The following PLPP3 variants were observed in gnomAD, a reference collection of about 807,000 sequenced individuals.
The protein encoded by PLPP3 is phospholipid phosphatase 3.
Under a neutral mutation model 29.6 loss-of-function variants are expected in PLPP3, and 6 were observed. The ratio of observed to expected loss-of-function variants is 0.20; its 90% CI spans 0.11 to 0.40. The LOEUF (loss-of-function observed/expected upper bound fraction) is 0.40. Ranked by LOEUF, PLPP3 falls within the 10% of genes least tolerant of loss-of-function variation. The probability of loss-of-function intolerance (pLI) is 1.00; values close to 1 mark genes in which losing one functional copy is unlikely to be tolerated. For missense variants in PLPP3, 308 were observed against 407.7 expected (o/e 0.76, Z 2.11); for synonymous variants, 152 against 159.7 (o/e 0.95, Z 0.36).
chr1:56,558,993 G>A (rs72664369), intron 1 of PLPP3, among the ~76,000 whole-genome samples: 3 of 152,138 alleles, frequency 2.0e-5, no homozygotes, highest in Non-Finnish European at 4.4e-5. Context: ...TAATTCAACT[G>A]CCTCATTATT....
At chr1:56,498,764 G>A (rs1008280257) in intron 5 of PLPP3, among the ~76,000 whole-genome samples, 1 of 152,002 alleles carries the variant, frequency 6.6e-6, no homozygotes, top group Non-Finnish European at 1.5e-5. Context: ...CTCCTGAGTA[G>A]CTGGGATTAC....
chr1:56,564,758 T>A (rs750677722), intron 1 of PLPP3, among the ~76,000 whole-genome samples: 2 of 152,232 alleles, frequency 1.3e-5, no homozygotes, highest in Admixed American at 6.5e-5. Flanking sequence ...TCTATAGAGC[T>A]GACCTTTCAA....
intron 1 of PLPP3, among the ~76,000 whole-genome samples, chr1:56,565,213 G>A (rs1235262364): frequency 6.6e-6 from 1 of 152,166 alleles, no homozygotes; most frequent in Non-Finnish European, 1.5e-5. Context: ...GTGGGGAAGA[G>A]GCTACTGGTA....
intron 1 of PLPP3, among the ~76,000 whole-genome samples, chr1:56,543,795 T>C (rs937651344): frequency 2.6e-5 from 4 of 152,186 alleles, no homozygotes; most frequent in African/African-American, 9.7e-5. Flanking sequence ...TCCTTAGCAA[T>C]TGCTCATTCT....
In PLPP3 at chr1:56,579,311, CTTGGGGCGCGCTG is replaced by C; in HGVS notation, c.-308_-296del. ...CAGAAACTTTTGCAGAGCTGCGCAG[CTTGGGGCGCGCTG>C]TTGTGGCGCGCGTCTGAGTGCGCGA... On this transcript the variant is annotated 5_prime_UTR_variant, in exon 1 of 6. Coordinates refer to ENST00000371250, the MANE Select transcript of PLPP3 (RefSeq NM_003713.5). 6 of 361,982 alleles carry C rather than the reference CTTGGGGCGCGCTG, an allele frequency of 1.7e-5. No individual in the cohort carries two copies. Among genetic ancestry groups the C allele is most frequent in the South Asian group, 1.3e-4 (4 of 31,632 alleles). The allele number at this position is 361,982 out of a possible 1,614,324, so 22.4% of individuals were successfully genotyped here.
chr1:56,574,828 A>G (rs997736990), intron 1 of PLPP3, among the ~76,000 whole-genome samples: 5 of 152,212 alleles, frequency 3.3e-5, no homozygotes, highest in Non-Finnish European at 7.3e-5. Context: ...TAAGAGGGGC[A>G]GTGGGTATGT....
intron 5 of PLPP3, among the ~76,000 whole-genome samples, chr1:56,499,406 A>G (rs1645651581): frequency 6.6e-6 from 1 of 152,150 alleles, no homozygotes; most frequent in South Asian, 2.1e-4. Flanking sequence ...CTTCTTGAAG[A>G]TGGAATCCTA....
intron 1 of PLPP3, among the ~76,000 whole-genome samples, chr1:56,553,121 C>T (rs1341933163): frequency 6.6e-6 from 1 of 152,106 alleles, no homozygotes; most frequent in Non-Finnish European, 1.5e-5. Context: ...TTGGTTTCCT[C>T]AGAGCATTCT....
At chr1:56,508,763 G>C (rs1645720767) in intron 5 of PLPP3, among the ~76,000 whole-genome samples, 1 of 152,128 alleles carries the variant, frequency 6.6e-6, no homozygotes, top group African/African-American at 2.4e-5. Flanking sequence ...GCAGATGCCT[G>C]TCATCCTACT....
intron 1 of PLPP3, among the ~76,000 whole-genome samples, chr1:56,570,972 C>T (rs1343109276): frequency 6.6e-6 from 1 of 152,206 alleles, no homozygotes; most frequent in Admixed American, 6.5e-5. Flanking sequence ...TGGCTTCACT[C>T]AGCTAACATC....
At chr1:56,561,001 G>A (rs1042046457) in intron 1 of PLPP3, among the ~76,000 whole-genome samples, 1 of 145,850 alleles carries the variant, frequency 6.9e-6, no homozygotes, top group South Asian at 2.2e-4. Context: ...CCATGCCCGG[G>A]TAATTTTTTT....
At chr1:56,544,306 C>T (rs778278106) in intron 1 of PLPP3, among the ~76,000 whole-genome samples, 2 of 152,140 alleles carry the variant, frequency 1.3e-5, no homozygotes, top group Non-Finnish European at 1.5e-5. Context: ...TGGTTCATAT[C>T]TTTAATTGAA....
At chr1:56,534,971 G>C (rs756383476) in intron 2 of PLPP3, among the ~76,000 whole-genome samples, 4 of 152,104 alleles carry the variant, frequency 2.6e-5, no homozygotes, top group Non-Finnish European at 4.4e-5. Flanking sequence ...TAAGGCTGGG[G>C]TTCCTTTCCT....
chr1:56,572,043 GTTTTTTTTTT>G (rs375576842), intron 1 of PLPP3, among the ~76,000 whole-genome samples: 6 of 85,072 alleles, frequency 7.1e-5, no homozygotes, highest in African/African-American at 1.0e-4. Flanking sequence ...ATCATTTCTG[GTTTTTTTTTT>G]TTTTTTTTTT....
intron 4 of PLPP3, chr1:56,513,273 TG>T (rs1468767102): frequency 1.3e-5 from 2 of 152,622 alleles, no homozygotes; most frequent in African/African-American, 4.8e-5. Flanking sequence ...AGAGTTATCT[TG>T]CTGCAGTTTC....
intron 2 of PLPP3, among the ~76,000 whole-genome samples, chr1:56,530,932 C>T (rs1055047618): frequency 6.6e-5 from 10 of 152,142 alleles, no homozygotes; most frequent in Non-Finnish European, 1.0e-4. Flanking sequence ...GGTTCTCTGA[C>T]GAAAATCCTA....
chr1:56,529,488 C>T (rs1282960590), intron 2 of PLPP3, among the ~76,000 whole-genome samples: 1 of 152,068 alleles, frequency 6.6e-6, no homozygotes, highest in African/African-American at 2.4e-5. Context: ...TTCTTTTGCC[C>T]AGAAAAGATT....
rs1553139342 is a variant in PLPP3 at position 56,557,026 on chromosome 1, A to AAAGAGAG, written c.140-19915_140-19914insCTCTCTT. ...AGAAAGAAAGAGAGAGAGAGAGAGA[A>AAAGAGAG]AGAGAGAGAGAGAGAGAGAGAGAGA... On this transcript the variant is annotated intron_variant, in intron 1 of 5. Transcript: ENST00000371250. 1.3e-3 allele frequency among the ~76,000 whole-genome samples: 12 copies of AAAGAGAG among 9,526 alleles called. 2 individuals carry two copies. The highest frequency in any genetic ancestry group is 2.2e-3 in the African/African-American group (9 of 4,030). 6.2% of individuals were successfully genotyped at this position (9,526 alleles called of 152,430 possible).
intron 1 of PLPP3, among the ~76,000 whole-genome samples, chr1:56,558,653 C>T (rs529632662): frequency 6.3e-4 from 96 of 152,300 alleles, no homozygotes; most frequent in South Asian, 1.2e-3. Context: ...AAGTAGAAAT[C>T]ATTGTCTCCA....
Sources: gnomAD v4.1 joint callset for allele counts (sites outside exome capture counted in the v4.1 genomes callset) on GRCh38, gnomAD v4.1.1 for gene constraint, MANE v1.5 for transcripts, NCBI Gene and HGNC (gene_info 2026-07-23, HGNC 2026-07-21) for gene names.